SHPRH: variants seen among roughly 807,000 people sequenced by gnomAD.
The protein encoded by SHPRH is E3 ubiquitin-protein ligase SHPRH.
Under a neutral mutation model 202.5 loss-of-function variants are expected in SHPRH, and 106 were observed. The observed-to-expected ratio is 0.52, with a 90% confidence interval of 0.45 to 0.62. The LOEUF (loss-of-function observed/expected upper bound fraction) is 0.62. Among genes scored for constraint, SHPRH ranks in the 20% least tolerant of loss-of-function variants. SHPRH has a pLI of 0.00. For synonymous variants in SHPRH, 729 were observed against 686.0 expected (o/e 1.06, Z -0.98); for missense variants, 1,710 against 2,020.0 (o/e 0.85, Z 2.94).
In SHPRH at chr6:145,918,210, A is replaced by T; in HGVS notation, c.4175T>A (p.Leu1392Gln). ...TGTAGCAACAGCTTTATCATTTAGT[A>T]GTTTTATTCGGTTTTGTTCTACCTA... ...PHEVEQNRIK[L>Q]LNDKAVATSQ... Residue 1392 changes from leucine to glutamine, a missense_variant, in exon 23 of 30, where the codon CTA becomes CAA. Coordinates refer to ENST00000275233, the MANE Select transcript of SHPRH (RefSeq NM_001042683.3). 6.3e-7 allele frequency: 1 copy of T among 1,592,232 alleles called. No individual in the cohort carries two copies. Among genetic ancestry groups the T allele is most frequent in the Non-Finnish European group, 8.5e-7 (1 of 1,170,802 alleles).
intron 28 of SHPRH, among the ~76,000 whole-genome samples, 187 bp from the exon 29 acceptor site, chr6:145,888,287 A>C (rs117046091): frequency 0.02 from 3,087 of 152,304 alleles, 56 homozygotes; most frequent in Middle Eastern, 0.034. Context: ...AATGAGAGAC[A>C]GACAATAAAC....
At chr6:145,897,316 C>G (rs1487472298) in intron 25 of SHPRH, among the ~76,000 whole-genome samples, 1 of 151,908 alleles carries the variant, frequency 6.6e-6, no homozygotes, top group African/African-American at 2.4e-5. Context: ...CAGAAACATA[C>G]AATCTACCAA....
chr6:145,960,919 T>C (rs1789023614), intron 1 of SHPRH, among the ~76,000 whole-genome samples: 1 of 152,112 alleles, frequency 6.6e-6, no homozygotes, highest in Non-Finnish European at 1.5e-5. Context: ...TATTCCACCT[T>C]AGATCATCAG....
chr6:145,890,869 CT>C (rs1781512063), intron 28 of SHPRH, among the ~76,000 whole-genome samples: 1 of 152,134 alleles, frequency 6.6e-6, no homozygotes, highest in Admixed American at 6.6e-5. Context: ...CATGTCTAGT[CT>C]GTCCAAAAGT....
At chr6:145,874,116 T>C (rs1562272724) in intron 2 of SHPRH, among the ~76,000 whole-genome samples, 1 of 152,000 alleles carries the variant, frequency 6.6e-6, no homozygotes, top group Non-Finnish European at 1.5e-5. Flanking sequence ...GAGAATCACT[T>C]GAATTCAGGA....
At chr6:145,880,045 T>C (rs1407376295), downstream of SHPRH, among the ~76,000 whole-genome samples, 1 of 152,054 alleles carries the variant, frequency 6.6e-6, no homozygotes, top group East Asian at 1.9e-4. Flanking sequence ...ATGAAAATAT[T>C]GCAAGACACA....
In SHPRH at chr6:145,890,270, C is replaced by T. The variant is rs1488559833; in HGVS notation, c.4875-2170G>A. On this transcript the variant is annotated intron_variant, in intron 28 of 29. Transcript: ENST00000275233. ...TAGCTGCCTGACTATGGGCAAGTTA[C>T]CTAACCTCTCTTTGTTATACAAATA... Among the ~76,000 whole-genome samples, 4 of 152,292 alleles carry T rather than the reference C, an allele frequency of 2.6e-5. No homozygotes were observed. In the South Asian group the frequency reaches 6.2e-4, roughly 24 times the overall value.
At chr6:145,870,554 G>A (rs890377530) in intron 2 of SHPRH, among the ~76,000 whole-genome samples, 48 of 152,248 alleles carry the variant, frequency 3.2e-4, no homozygotes, top group South Asian at 1.0e-3. Flanking sequence ...GAGCCACTGC[G>A]CCTGGCCTCA....
intron 2 of SHPRH, among the ~76,000 whole-genome samples, chr6:145,866,195 G>T (rs1165924847): frequency 6.6e-6 from 1 of 152,190 alleles, no homozygotes; most frequent in African/African-American, 2.4e-5. Context: ...ATATAAATTT[G>T]TGCTTCTTGA....
In SHPRH at chr6:145,911,401, G is replaced by A. The variant is rs575567738; in HGVS notation, c.4327-765C>T. ...CATCCACTTCGGCCTGGGATTACAG[G>A]TGTGAGCCACCGCGCCCAGCCAAAA... On this transcript the variant is annotated intron_variant, in intron 24 of 29. Transcript: ENST00000275233. Among the ~76,000 whole-genome samples the A allele has an allele frequency of 3.3e-5, 5 of 152,176 alleles. No homozygotes were observed. In the South Asian group the frequency reaches 8.3e-4, roughly 25 times the overall value.
chr6:145,915,792 T>C (rs563311639), intron 23 of SHPRH, among the ~76,000 whole-genome samples: 53 of 146,408 alleles, frequency 3.6e-4, no homozygotes, highest in African/African-American at 1.3e-3. Context: ...TTGACTATGA[T>C]GTATCTAGGC....
At chr6:145,882,410 C>T (rs1252734726), downstream of SHPRH, among the ~76,000 whole-genome samples, 11 of 152,218 alleles carry the variant, frequency 7.2e-5, no homozygotes, top group Admixed American at 2.0e-4. Context: ...ATTATAATTA[C>T]GGACTTGAGA....
In SHPRH at chr6:145,933,062, A is replaced by G; in HGVS notation, c.3107T>C (p.Ile1036Thr). The change falls in exon 14 of 30, where the codon ATT becomes ACT. Residue 1036 changes from isoleucine (I) to threonine (T), a missense_variant. This residue lies in a region of SHPRH where 288 missense variants were observed against 317.8 expected (regional missense o/e 0.91). Transcript: ENST00000275233. ...ALNGLAGIHI[I>T]KGEYALAAEL... ...ATAAAGCAATCACCTTCTACCTTTA[A>G]TAATATGAATGCCTGCTAAGCCATT... 3.7e-6 allele frequency: 6 copies of G among 1,613,718 alleles called. No homozygotes were observed. Among genetic ancestry groups the G allele is most frequent in the Non-Finnish European group, 4.2e-6 (5 of 1,179,796 alleles).
At chr6:145,927,489 G>A (rs1220884596) in intron 14 of SHPRH, among the ~76,000 whole-genome samples, 1 of 151,390 alleles carries the variant, frequency 6.6e-6, no homozygotes, top group Admixed American at 6.6e-5. Flanking sequence ...GGAATATAAT[G>A]TTCTTATATT....
At chr6:145,931,886 ATTTC>A (rs1785490832) in intron 14 of SHPRH, among the ~76,000 whole-genome samples, 2 of 116,060 alleles carry the variant, frequency 1.7e-5, no homozygotes, top group Non-Finnish European at 3.4e-5. Flanking sequence ...CCCACAATAT[ATTTC>A]TTTTTTTTTT....
intron 2 of SHPRH, among the ~76,000 whole-genome samples, chr6:145,868,941 G>C (rs2485631): frequency 0.28 from 41,951 of 151,946 alleles, 6,288 homozygotes; most frequent in South Asian, 0.37. Flanking sequence ...TATTTCATGA[G>C]ATATGAGTAT....
chr6:145,870,990 G>A (rs897755990), intron 2 of SHPRH: 2 of 152,084 alleles, frequency 1.3e-5, no homozygotes, highest in African/African-American at 4.8e-5. Context: ...AAAGGCCTTC[G>A]ATAAAAATCC....
chr6:145,924,674 A>AAAAC, intron 17 of SHPRH, 65 bp downstream of exon 17: 1 of 1,483,030 alleles, frequency 6.7e-7, no homozygotes, highest in Non-Finnish European at 9.4e-7. Flanking sequence ...TCCCCACCAA[A>AAAAC]AAACCAAAAC....
At chr6:145,914,523 C>T (rs1015028218) in intron 23 of SHPRH, among the ~76,000 whole-genome samples, 29 of 152,070 alleles carry the variant, frequency 1.9e-4, no homozygotes, top group African/African-American at 6.5e-4. Context: ...ACAGACAATA[C>T]GTAAATGAAT....
Sources: allele counts gnomAD v4.1 joint callset (sites outside exome capture counted in the v4.1 genomes callset), GRCh38; gene constraint gnomAD v4.1.1; regional missense constraint gnomAD v4.1.1; transcripts MANE v1.5; gene names NCBI Gene and HGNC (gene_info 2026-07-23, HGNC 2026-07-21).